Variants in C17orf58 observed in about 807,000 individuals in gnomAD.
C17orf58 encodes UPF0450 protein C17orf58.
Under a neutral mutation model 7.4 loss-of-function variants are expected in C17orf58, and 5 were observed. The ratio of observed to expected loss-of-function variants is 0.67; its 90% CI spans 0.35 to 1.42. The LOEUF (loss-of-function observed/expected upper bound fraction) is 1.42. Among genes scored for constraint, C17orf58 ranks in the 40% most tolerant of loss-of-function variants. The probability of loss-of-function intolerance (pLI) is 0.04; values close to 1 mark genes in which losing one functional copy is unlikely to be tolerated. For synonymous variants in C17orf58, 60 were observed against 70.6 expected (o/e 0.85, Z 0.75); for missense variants, 162 against 174.2 (o/e 0.93, Z 0.40).
In C17orf58 at chr17:67,993,222, G is replaced by A. The variant is rs540904686; in HGVS notation, c.651C>T (p.Ile217=). The change falls in exon 3 of 4, where the codon ATC becomes ATT. Residue 217 remains isoleucine (I), a synonymous_variant. Coordinates refer to ENST00000580729, the MANE Select transcript of C17orf58 (RefSeq NM_001382359.1). The surrounding 1 kb of genome is among the most constrained non-coding windows in gnomAD (Gnocchi z 5.1). ...CGCCCAGCACGTCCACATCGTGCAC[G>A]ATCCCGTTCACCGCTGCTTCCGAAA... is the stretch of plus-strand genomic sequence containing the variant. ...FCESEFAVNG[I]VHDVDVLGAG... The A allele has an allele frequency of 2.5e-6, 4 of 1,581,100 alleles. No individual in the cohort carries two copies. Among genetic ancestry groups the A allele is most frequent in the Admixed American group, 3.5e-5 (2 of 56,510 alleles).
intron 1 of C17orf58, 49 bp downstream of exon 1, chr17:67,996,074 C>T: frequency 2.5e-6 from 1 of 398,932 alleles, no homozygotes; most frequent in Non-Finnish European, 4.4e-6. Flanking sequence ...CAGCTCCCCC[C>T]CACAGATCCC....
At chr17:67,994,725 G>C (rs782052140) in intron 1 of C17orf58, among the ~76,000 whole-genome samples, 1 of 151,768 alleles carries the variant, frequency 6.6e-6, no homozygotes, top group Admixed American at 6.6e-5. Flanking sequence ...TCGAGCATTT[G>C]TAAGTGGATT....
At chr17:67,995,775 G>C (rs1443417096) in intron 1 of C17orf58, among the ~76,000 whole-genome samples, 2 of 152,184 alleles carry the variant, frequency 1.3e-5, no homozygotes, top group African/African-American at 4.8e-5. Context: ...GCGGCGTCCT[G>C]CGAGCCCGGC....
Position 67,992,910 on chromosome 17 carries a change from A to T in C17orf58, c.829+134T>A, listed in dbSNP as rs782508814. On this transcript the variant is annotated intron_variant, in intron 3 of 3. Coordinates refer to ENST00000580729, the MANE Select transcript of C17orf58 (RefSeq NM_001382359.1). ...GTGGCCGGAATAATACCTGTCGTCT[A>T]AATCCCATTCATGTCATTGTTTCCC... 37 of 1,613,902 alleles carry T rather than the reference A, an allele frequency of 2.3e-5. No individual in the cohort carries two copies. In the Middle Eastern group the frequency reaches 6.6e-4, roughly 29 times the overall value.
intron 1 of C17orf58, among the ~76,000 whole-genome samples, chr17:67,994,652 C>A (rs1555699638): frequency 6.6e-6 from 1 of 151,732 alleles, no homozygotes; most frequent in African/African-American, 2.4e-5. Flanking sequence ...TTAAGCGCCC[C>A]TGACAACAGA....
At chr17:67,994,766 G>T (rs2070878326) in intron 1 of C17orf58, among the ~76,000 whole-genome samples, 1 of 151,898 alleles carries the variant, frequency 6.6e-6, no homozygotes, top group South Asian at 2.1e-4. Flanking sequence ...CCACTTACTG[G>T]TAAACCACAG....
In C17orf58 at chr17:67,996,183, A is replaced by G. The variant is rs150600159; in HGVS notation, c.16T>C (p.Phe6Leu). The change falls in exon 1 of 4, where the codon TTC becomes CTC. Residue 6 changes from phenylalanine (F) to leucine (L), a missense_variant. Physicochemically the swap from Phe to Leu is conservative, Grantham distance 22 (BLOSUM62 0). Coordinates refer to ENST00000580729, the MANE Select transcript of C17orf58 (RefSeq NM_001382359.1). MTARA[F>L]WLLCLIVGSS... The stretch of plus-strand genomic sequence containing the variant: ...CCGACGATCAAACAGAGGAGCCAGA[A>G]AGCTCTAGCTGTCATTTTTGCAGAC... 741 of 399,038 alleles carry G rather than the reference A, an allele frequency of 1.9e-3. 6 individuals are homozygous for G. Among genetic ancestry groups the G allele is most frequent in the African/African-American group, 0.014 (693 of 48,722 alleles). The allele number at this position is 399,038 out of a possible 1,614,324, so 24.7% of individuals were successfully genotyped here.
intron 1 of C17orf58, among the ~76,000 whole-genome samples, chr17:67,994,535 T>TATATAAATAAAA (rs71142122): frequency 1.0e-5 from 1 of 100,310 alleles, no homozygotes; most frequent in African/African-American, 3.2e-5. Context: ...TATATATATA[T>TATATAAATAAAA]AAAACATATA....
intron 3 of C17orf58, chr17:67,992,801 A>G: frequency 7.2e-7 from 1 of 1,398,446 alleles, no homozygotes; most frequent in Non-Finnish European, 9.7e-7. Context: ...ATTTGTCAAC[A>G]TCTATTTATT....
intron 1 of C17orf58, among the ~76,000 whole-genome samples, chr17:67,994,701 C>A (rs781945955): frequency 6.6e-6 from 1 of 151,728 alleles, no homozygotes; most frequent in Admixed American, 6.6e-5. Flanking sequence ...ACTGTCATCC[C>A]GGTCTCTGCA....
chr17:67,993,257 G>A lies in C17orf58; in HGVS notation c.638-22C>T, dbSNP rs2070855344. On this transcript the variant is annotated intron_variant, in intron 2 of 3. Coordinates refer to ENST00000580729, the MANE Select transcript of C17orf58 (RefSeq NM_001382359.1). The surrounding 1 kb of genome is among the most constrained non-coding windows in gnomAD (Gnocchi z 5.1). ...ACCGCTGCTTCCGAAAAACAGTTTG[G>A]AGAAGAGCATTACCCCGAGTTCCTC... 7.6e-6 allele frequency: 11 copies of A among 1,446,216 alleles called. No individual in the cohort carries two copies. Among genetic ancestry groups the A allele is most frequent in the Admixed American group, 2.1e-5 (1 of 47,950 alleles). The allele number at this position is 1,446,216 out of a possible 1,614,324, so 89.6% of individuals were successfully genotyped here.
At chr17:67,994,070 G>C in intron 1 of C17orf58, 86 bp from the exon 2 acceptor site, 1 of 365,416 alleles carries the variant, frequency 2.7e-6, no homozygotes, top group Non-Finnish European at 4.9e-6. Flanking sequence ...CGAGGAAGCC[G>C]AGAAGGAAGA....
rs2070860563 is a variant in C17orf58 at position 67,993,542 on chromosome 17, G to C, written c.519C>G (p.Phe173Leu). The C allele has an allele frequency of 2.8e-5, 10 of 352,842 alleles. No homozygotes were observed. The highest frequency in any genetic ancestry group is 5.1e-5 in the Non-Finnish European group (10 of 197,422). 21.9% of individuals were successfully genotyped at this position (352,842 alleles called of 1,614,324 possible). A position where few individuals can be genotyped will look rare whatever the true frequency, so the allele number is the denominator to read the frequency against. Residue 173 changes from phenylalanine (F) to leucine (L), a missense_variant, in exon 2 of 4, where the codon TTC becomes TTG. Transcript: ENST00000580729. This position sits in a 1 kb window ranked among gnomAD's most constrained non-coding sequence, Gnocchi z 5.1. ...PGPAPAPPPR[F>L]SLSFGLSPPQ... ...GCGGGCTGAGGCCGAAGCTGAGGCT[G>C]AAGCGCGGCGGCGGCGCGGGCGCGG...
intron 3 of C17orf58, among the ~76,000 whole-genome samples, chr17:67,992,564 T>A (rs2148736470): frequency 4.5e-5 from 2 of 44,114 alleles, no homozygotes; most frequent in East Asian, 7.6e-4. Flanking sequence ...CAAGACTCAA[T>A]CTCAAAAAAA....
intron 3 of C17orf58, among the ~76,000 whole-genome samples, chr17:67,992,567 CAAAAAAAA>C (rs59543001): frequency 3.0e-4 from 16 of 52,778 alleles, no homozygotes; most frequent in African/African-American, 1.2e-3. Flanking sequence ...GACTCAATCT[CAAAAAAAA>C]AAAAAAAAAA....
Position 67,993,925 on chromosome 17 carries a change from G to T in C17orf58, c.136C>A (p.Pro46Thr), listed in dbSNP as rs1394439426. ...SRGCPSAEET[P>T]GPRAQPLLEA... ...AGGAGTGGCTGCGCGCGGGGCCCCG[G>T]TGTCTCCTCCGCGCTCGGGCAGCCG... Residue 46 changes from proline to threonine, a missense_variant, in exon 2 of 4, where the codon CCG becomes ACG. This residue lies in a region of C17orf58 where 93 missense variants were observed against 90.4 expected (regional missense o/e 1.03). Transcript: ENST00000580729. The surrounding 1 kb of genome is among the most constrained non-coding windows in gnomAD (Gnocchi z 5.1). 17 of 394,366 alleles carry T rather than the reference G, an allele frequency of 4.3e-5. No homozygotes were observed. Among genetic ancestry groups the T allele is most frequent in the African/African-American group, 3.3e-4 (16 of 48,206 alleles). 24.4% of individuals were successfully genotyped at this position (394,366 alleles called of 1,614,324 possible). A position where few individuals can be genotyped will look rare whatever the true frequency, so the allele number is the denominator to read the frequency against.
chr17:67,992,006 A>C lies in C17orf58; in HGVS notation c.927T>G (p.Asp309Glu). The C allele has an allele frequency of 6.2e-7, 1 of 1,613,216 alleles. No homozygotes were observed. Among genetic ancestry groups the C allele is most frequent in the Non-Finnish European group, 8.5e-7 (1 of 1,179,590 alleles). ...QVLRGRLRPG[D>E]GLLRSSSSYV... ...AGCTGCTGCTGCTCCTTAGCAGTCC[A>C]TCCCCTGGACGGAGGCGGCCTCTCA... Residue 309 changes from aspartate to glutamate, a missense_variant, in exon 4 of 4, where the codon GAT (aspartate) becomes GAG (glutamate). Asp to Glu is a conservative substitution (Grantham distance 45, BLOSUM62 2). Around this residue, in one of 3 missense-constraint regions of C17orf58, gnomAD observed 65 missense variants for 66.4 expected, o/e 0.98. Transcript: ENST00000580729.
intron 3 of C17orf58, chr17:67,992,820 G>A: frequency 6.7e-7 from 1 of 1,488,324 alleles, no homozygotes; most frequent in Non-Finnish European, 9.0e-7. Flanking sequence ...TTGACAGCCC[G>A]CTTTGTGCCA....
chr17:67,993,368 C>G lies in C17orf58; in HGVS notation c.637+56G>C, dbSNP rs1207731536. The G allele has an allele frequency of 3.2e-6, 2 of 631,004 alleles. No individual in the cohort carries two copies. The highest frequency in any genetic ancestry group is 5.4e-6 in the Non-Finnish European group (2 of 367,016). 39.1% of individuals were successfully genotyped at this position (631,004 alleles called of 1,614,324 possible). A position where few individuals can be genotyped will look rare whatever the true frequency, so the allele number is the denominator to read the frequency against. On this transcript the variant is annotated intron_variant, in intron 2 of 3. Transcript: ENST00000580729. The surrounding 1 kb of genome is among the most constrained non-coding windows in gnomAD (Gnocchi z 5.1). ...CCTGGGATCTCGCGGGCGGATTCTC[C>G]GGGGCTCGGAAAGGCTCGCGGGGCG...
Sources: allele counts gnomAD v4.1 joint callset (sites outside exome capture counted in the v4.1 genomes callset), GRCh38; gene constraint gnomAD v4.1.1; regional missense constraint gnomAD v4.1.1; non-coding constraint Gnocchi (gnomAD v3.1); transcripts MANE v1.5; gene names NCBI Gene and HGNC (gene_info 2026-07-23, HGNC 2026-07-21).